The following GPX5 variants were observed in gnomAD, a reference collection of about 807,000 sequenced individuals.
GPX5 encodes the protein epididymal secretory glutathione peroxidase.
Under a neutral mutation model 23.8 loss-of-function variants are expected in GPX5, and 20 were observed. The ratio of observed to expected loss-of-function variants is 0.84; its 90% CI spans 0.59 to 1.22. The LOEUF (loss-of-function observed/expected upper bound fraction) is 1.22. Among genes scored for constraint, GPX5 ranks in the 50% most tolerant of loss-of-function variants. The probability of loss-of-function intolerance (pLI) is 0.00; values close to 1 mark genes in which losing one functional copy is unlikely to be tolerated. For synonymous variants in GPX5, 92 were observed against 99.5 expected, an observed-to-expected ratio of 0.92 and a Z score of 0.45; for missense variants, 230 against 266.6, an observed-to-expected ratio of 0.86 and a Z score of 0.96.
chr6:28,527,422 T>TG (rs1435008556), intron 1 of GPX5, among the ~76,000 whole-genome samples: 1 of 152,232 alleles, frequency 6.6e-6, no homozygotes, highest in African/African-American at 2.4e-5. Context: ...TAGAAAAATA[T>TG]CTTTTTCCTC....
At chr6:28,527,642 T>C (rs928622313) in intron 1 of GPX5, 3 of 152,252 alleles carry the variant, frequency 2.0e-5, no homozygotes, top group African/African-American at 7.2e-5. Context: ...ACATTCCTTA[T>C]CAAATAATGC....
rs577219065 is a variant in GPX5, at chr6:28,529,468, C to T, written c.105C>T (p.Asp35=). 1.2e-5 allele frequency: 19 copies of T among 1,607,660 alleles called. No individual in the cohort carries two copies. In the Middle Eastern group the frequency reaches 5.0e-4, roughly 42 times the overall value. Residue 35 remains aspartate (D), a synonymous_variant, in exon 2 of 5, where the codon GAC becomes GAT. Coordinates refer to ENST00000412168, the MANE Select transcript of GPX5 (RefSeq NM_001509.3). ...QEKMKMDCHK[D]EKGTIYDYEA... is the part of the protein sequence containing the mutation. ...TCTTCCAGATGGATTGCCACAAAGA[C>T]GAGAAAGGCACCATCTATGACTATG...
At chr6:28,528,813 GTATATATA>G (rs70983945) in intron 1 of GPX5, among the ~76,000 whole-genome samples, 8 of 95,710 alleles carry the variant, frequency 8.4e-5, no homozygotes, top group South Asian at 4.0e-4. Context: ...ATATATGTGT[GTATATATA>G]TATATATATA....
chr6:28,532,327 C>A lies in GPX5; in HGVS notation c.366C>A (p.Val122=). The change falls in exon 4 of 5, where the codon GTC becomes GTA. Residue 122 remains valine, a synonymous_variant. Coordinates refer to ENST00000412168, the MANE Select transcript of GPX5 (RefSeq NM_001509.3). ...ACATTATGGCTTGTTGCAGGTATGT[C>A]CGTCCAGGGGGAGGATTTGTACCTA... is the stretch of plus-strand genomic sequence containing the variant. The part of the protein sequence containing the change: ...NKEILPGLKY[V]RPGGGFVPSF... 1 of 1,564,996 alleles carries A rather than the reference C, an allele frequency of 6.4e-7. No individual in the cohort carries two copies. The highest frequency in any genetic ancestry group is 2.4e-5 in the East Asian group (1 of 42,376).
intron 1 of GPX5, among the ~76,000 whole-genome samples, chr6:28,529,093 CT>C (rs57862879): frequency 1.7e-4 from 25 of 148,740 alleles, no homozygotes; most frequent in South Asian, 1.1e-3. Context: ...TTCTAACTAT[CT>C]TTTTTTTTTC....
rs1350008253 is a variant in GPX5, at chr6:28,530,544, A to G, written c.241+940A>G. Among the ~76,000 whole-genome samples the G allele has an allele frequency of 2.0e-5, 3 of 152,216 alleles. No homozygotes were observed. The East Asian group carries it at 5.8e-4, about 29-fold the overall frequency. On this transcript the variant is annotated intron_variant, in intron 2 of 4. Coordinates refer to ENST00000412168, the MANE Select transcript of GPX5 (RefSeq NM_001509.3). The stretch of plus-strand genomic sequence containing the variant: ...TATCTTGTTTACAGAATACATAGAT[A>G]TTCTTGTTTCTGCTCCCCCCTCCCC...
Position 28,529,596 on chromosome 6 carries a change from A to G in GPX5, c.233A>G (p.Gln78Arg), listed in dbSNP as rs765386776. 4 of 1,607,560 alleles carry G rather than the reference A, an allele frequency of 2.5e-6. No individual in the cohort carries two copies. Among genetic ancestry groups the G allele is most frequent in the South Asian group, 1.1e-5 (1 of 89,982 alleles). ...GCCACCTACTGTGGTCTGACAGCGC[A>G]ATATCCTGGTAAGAGAATTCATAGT... Reference protein sequence around the residue: ...NVATYCGLTAQYPELNALQEE... With the variant: ...NVATYCGLTARYPELNALQEE... Residue 78 changes from glutamine to arginine, a missense_variant, in exon 2 of 5, where the codon CAA becomes CGA. Transcript: ENST00000412168.
intron 2 of GPX5, among the ~76,000 whole-genome samples, chr6:28,530,564 CT>C (rs1763294357): frequency 6.6e-6 from 1 of 152,184 alleles, no homozygotes; most frequent in Non-Finnish European, 1.5e-5. Context: ...CTGCTCCCCC[CT>C]CCCCAGCTGA....
Position 28,532,337 on chromosome 6 carries a change from G to T in GPX5, c.376G>T (p.Gly126Ter). 6.3e-7 allele frequency: 1 copy of T among 1,579,284 alleles called. No individual in the cohort carries two copies. The highest frequency in any genetic ancestry group is 8.6e-7 in the Non-Finnish European group (1 of 1,167,884). Residue 126 changes from glycine (G) to a stop codon, truncating the protein, a stop_gained, in exon 4 of 5, where the codon GGA (glycine) becomes TGA (stop). Coordinates refer to ENST00000412168, the MANE Select transcript of GPX5 (RefSeq NM_001509.3). LOFTEE classifies it high-confidence loss of function. Reference protein sequence around the residue: ...LPGLKYVRPGGGFVPSFQLFE... With the variant: ...LPGLKYVRPG The stretch of plus-strand genomic sequence containing the variant: ...TTGTTGCAGGTATGTCCGTCCAGGG[G>T]GAGGATTTGTACCTAGTTTCCAGCT...
At chr6:28,528,930 A>T (rs1368573333) in intron 1 of GPX5, among the ~76,000 whole-genome samples, 1 of 148,568 alleles carries the variant, frequency 6.7e-6, no homozygotes, top group African/African-American at 2.5e-5. Context: ...TAATCACATT[A>T]TGGAAAATGG....
intron 1 of GPX5, among the ~76,000 whole-genome samples, chr6:28,528,838 T>TG (rs1456578064): frequency 1.3e-3 from 2 of 1,530 alleles, no homozygotes; most frequent in African/African-American, 3.5e-3. Flanking sequence ...TATATATATA[T>TG]ATATATATAT....
chr6:28,532,836 T>C (rs1343831297), intron 4 of GPX5, among the ~76,000 whole-genome samples: 1 of 152,184 alleles, frequency 6.6e-6, no homozygotes, highest in Non-Finnish European at 1.5e-5. Flanking sequence ...GCTATGTAGC[T>C]GGGGTGGTGG....
intron 1 of GPX5, among the ~76,000 whole-genome samples, chr6:28,526,625 G>A (rs1454858945): frequency 6.6e-6 from 1 of 152,150 alleles, no homozygotes; most frequent in Non-Finnish European, 1.5e-5. Context: ...TTGGAGTCAG[G>A]CATCTTGGAT....
intron 1 of GPX5, 79 bp downstream of exon 1, chr6:28,526,179 G>T: frequency 9.5e-7 from 1 of 1,049,328 alleles, no homozygotes; most frequent in Non-Finnish European, 1.5e-6. Context: ...CTTCTTGTAA[G>T]ACTCCAACTC....
At chr6:28,528,845 A>ATGTGTG (rs1763258522) in intron 1 of GPX5, among the ~76,000 whole-genome samples, 1 of 6,528 alleles carries the variant, frequency 1.5e-4, no homozygotes, top group Admixed American at 1.5e-3. Flanking sequence ...ATATATATAT[A>ATGTGTG]TATATATATA....
chr6:28,532,501 G>C (rs894909388), intron 4 of GPX5, 81 bp downstream of exon 4: 8 of 912,440 alleles, frequency 8.8e-6, no homozygotes, highest in African/African-American at 1.7e-5. Context: ...ATGGATCCAA[G>C]GGCTCATGCC....
rs756015564 is a variant in GPX5 at position 28,529,527 on chromosome 6, C to T, written c.164C>T (p.Ser55Phe). The T allele has an allele frequency of 4.3e-6, 7 of 1,613,452 alleles. No homozygotes were observed. In the South Asian group the frequency reaches 5.5e-5, roughly 13 times the overall value. ...GCACTTAATAAGAATGAATATGTTTCCTTCAAGCAGTATGTGGGCAAGCAC... is the reference window on the plus strand; with the variant it reads ...GCACTTAATAAGAATGAATATGTTTTCTTCAAGCAGTATGTGGGCAAGCAC... ...AIALNKNEYV[S>F]FKQYVGKHIL... The change falls in exon 2 of 5, where the codon TCC becomes TTC. Residue 55 changes from serine (S) to phenylalanine (F), a missense_variant. Ser to Phe is a radical substitution (Grantham distance 155). Transcript: ENST00000412168.
chr6:28,527,445 T>C (rs1188661147), intron 1 of GPX5, among the ~76,000 whole-genome samples: 4 of 152,172 alleles, frequency 2.6e-5, no homozygotes, highest in South Asian at 2.1e-4. Flanking sequence ...GAGTAAGAAG[T>C]GAGTAGCTAC....
intron 4 of GPX5, among the ~76,000 whole-genome samples, chr6:28,532,750 T>A (rs1418744605): frequency 6.6e-6 from 1 of 152,140 alleles, no homozygotes; most frequent in Non-Finnish European, 1.5e-5. Context: ...ATCTAAATAA[T>A]AAGGATATAA....
Sources: allele counts gnomAD v4.1 joint callset (sites outside exome capture counted in the v4.1 genomes callset), GRCh38; gene constraint gnomAD v4.1.1; transcripts MANE v1.5; gene names NCBI Gene and HGNC (gene_info 2026-07-23, HGNC 2026-07-21).